Variants in CNTNAP2 observed in about 807,000 individuals in gnomAD.
CNTNAP2 encodes the protein contactin associated protein 2.
A neutral mutation model predicts 155.2 loss-of-function variants in CNTNAP2; 98 were observed. That is an observed-to-expected ratio of 0.63 (90% CI 0.54 to 0.75). The LOEUF is 0.75. CNTNAP2 is among the 30% of genes least tolerant of loss of function. CNTNAP2 has a pLI of 0.00. For synonymous variants in CNTNAP2, 651 were observed against 631.2 expected, an observed-to-expected ratio of 1.03 and a Z score of -0.47; for missense variants, 1,727 against 1,688.1, an observed-to-expected ratio of 1.02 and a Z score of -0.40.
chr7:147,307,590 G>GCCC (rs5888248), intron 9 of CNTNAP2, among the ~76,000 whole-genome samples: 2 of 151,720 alleles, frequency 1.3e-5, no homozygotes, highest in African/African-American at 4.8e-5. Context: ...TACCCCACCT[G>GCCC]CCCCCCCAAA....
At chr7:147,769,639 T>C (rs1413617050) in intron 13 of CNTNAP2, among the ~76,000 whole-genome samples, 1 of 152,184 alleles carries the variant, frequency 6.6e-6, no homozygotes, top group Non-Finnish European at 1.5e-5. Context: ...ACTATATTTC[T>C]AGGTGAAGAA....
At chr7:146,248,898 G>C (rs1326283054) in intron 1 of CNTNAP2, among the ~76,000 whole-genome samples, 2 of 152,260 alleles carry the variant, frequency 1.3e-5, no homozygotes, top group East Asian at 3.9e-4. Flanking sequence ...CAGGCAGGCT[G>C]AGTCCGAAAA....
intron 1 of CNTNAP2, among the ~76,000 whole-genome samples, chr7:146,452,907 A>G (rs1322309852): frequency 6.6e-6 from 1 of 152,216 alleles, no homozygotes; most frequent in Non-Finnish European, 1.5e-5. Flanking sequence ...TGAGTCCATA[A>G]AGCTGTAAAT....
At chr7:147,627,583 T>A (rs1197927858) in intron 12 of CNTNAP2, among the ~76,000 whole-genome samples, 1 of 150,514 alleles carries the variant, frequency 6.6e-6, no homozygotes, top group African/African-American at 2.5e-5. Flanking sequence ...TCCCAGGTAC[T>A]TGGGAGGCTG....
chr7:147,651,070 C>T (rs1445662183), intron 13 of CNTNAP2, among the ~76,000 whole-genome samples: 1 of 151,992 alleles, frequency 6.6e-6, no homozygotes, highest in Admixed American at 6.6e-5. Flanking sequence ...TCTCAGAGTA[C>T]TATTAGCTGG....
chr7:146,384,080 A>G (rs1030332079), intron 1 of CNTNAP2, among the ~76,000 whole-genome samples: 1 of 152,184 alleles, frequency 6.6e-6, no homozygotes, highest in Non-Finnish European at 1.5e-5. Flanking sequence ...TGGGCATCCA[A>G]AGTCTCCTGC....
At chr7:147,005,559 G>A (rs1798510100) in intron 3 of CNTNAP2, among the ~76,000 whole-genome samples, 1 of 151,960 alleles carries the variant, frequency 6.6e-6, no homozygotes, top group African/African-American at 2.4e-5. Context: ...TTAGAGATTA[G>A]GCCTAAATAC....
intron 2 of CNTNAP2, among the ~76,000 whole-genome samples, chr7:146,796,577 A>C (rs1192066732): frequency 6.6e-6 from 1 of 152,140 alleles, no homozygotes; most frequent in Admixed American, 6.6e-5. Context: ...TAGCTTCTGA[A>C]ACGCAGTTCT....
Position 147,569,671 on chromosome 7 carries a change from T to G in CNTNAP2, c.1897+7414T>G, listed in dbSNP as rs533244727. Among the ~76,000 whole-genome samples the G allele has an allele frequency of 2.1e-3, 314 of 152,334 alleles. 1 individual carries two copies. The highest frequency in any genetic ancestry group is 7.5e-3 in the African/African-American group (311 of 41,588). On this transcript the variant is annotated intron_variant, in intron 12 of 23. Coordinates refer to ENST00000361727, the MANE Select transcript of CNTNAP2 (RefSeq NM_014141.6). ...CTGAGATTTGTGTAAGTACACTCTA[T>G]GAGGTTTACACAATGACCAAATCAC...
intron 1 of CNTNAP2, among the ~76,000 whole-genome samples, chr7:146,191,940 C>T (rs1381125170): frequency 6.6e-6 from 1 of 152,086 alleles, no homozygotes; most frequent in African/African-American, 2.4e-5. Context: ...ACATCCTCAG[C>T]TTACGAAGAT....
At chr7:146,237,595 G>A (rs538110502) in intron 1 of CNTNAP2, among the ~76,000 whole-genome samples, 5 of 152,032 alleles carry the variant, frequency 3.3e-5, no homozygotes, top group African/African-American at 4.8e-5. Context: ...GCATTTTCCG[G>A]TGCATGCACT....
chr7:147,682,504 C>A (rs1388289884), intron 13 of CNTNAP2, among the ~76,000 whole-genome samples: 1 of 151,764 alleles, frequency 6.6e-6, no homozygotes. Context: ...TTATTAATTA[C>A]AAAATTTAAC....
chr7:147,647,100 G>C (rs1014983151), intron 13 of CNTNAP2, among the ~76,000 whole-genome samples: 1 of 151,252 alleles, frequency 6.6e-6, no homozygotes, highest in African/African-American at 2.4e-5. Context: ...TGATTCTCCT[G>C]CCTCAGCCTC....
At chr7:146,170,510 A>G (rs1798374475) in intron 1 of CNTNAP2, among the ~76,000 whole-genome samples, 1 of 136,372 alleles carries the variant, frequency 7.3e-6, no homozygotes, top group Non-Finnish European at 1.6e-5. Flanking sequence ...GAATATCACT[A>G]GTTTTTTTTT....
At chr7:146,123,518 T>C (rs993973250) in intron 1 of CNTNAP2, among the ~76,000 whole-genome samples, 1 of 152,196 alleles carries the variant, frequency 6.6e-6, no homozygotes, top group Non-Finnish European at 1.5e-5. Context: ...ACATCTAAGA[T>C]GGAATCAAGT....
At chr7:147,636,275 ATGT>A (rs1426069544) in intron 12 of CNTNAP2, among the ~76,000 whole-genome samples, 1 of 152,120 alleles carries the variant, frequency 6.6e-6, no homozygotes, top group Non-Finnish European at 1.5e-5. Context: ...GCAGAGAGGG[ATGT>A]TGTTATAGAT....
chr7:146,210,779 G>A (rs1039321685), intron 1 of CNTNAP2, among the ~76,000 whole-genome samples: 6 of 151,954 alleles, frequency 3.9e-5, no homozygotes, highest in African/African-American at 1.5e-4. Flanking sequence ...TGGCAAGGGG[G>A]CCAAGTTCTC....
chr7:147,616,383 T>C (rs1563023261), intron 12 of CNTNAP2, among the ~76,000 whole-genome samples: 1 of 152,324 alleles, frequency 6.6e-6, no homozygotes, highest in Non-Finnish European at 1.5e-5. Flanking sequence ...GCTGTGGCTT[T>C]CCATAACATG....
At chr7:146,829,343 A>T (rs563287540) in intron 2 of CNTNAP2, among the ~76,000 whole-genome samples, 1 of 152,156 alleles carries the variant, frequency 6.6e-6, no homozygotes, top group East Asian at 1.9e-4. Flanking sequence ...TAAAAAAAAA[A>T]GTTCTAATAA....
Sources: gnomAD v4.1 joint callset for allele counts (sites outside exome capture counted in the v4.1 genomes callset) on GRCh38, gnomAD v4.1.1 for gene constraint, MANE v1.5 for transcripts, NCBI Gene and HGNC (gene_info 2026-07-23, HGNC 2026-07-21) for gene names.